Variants in MCM3AP observed in about 807,000 individuals in gnomAD.
The protein encoded by MCM3AP is minichromosome maintenance complex component 3 associated protein.
MCM3AP carries 126 observed loss-of-function variants against 184.1 expected under a neutral mutation model. The observed-to-expected ratio is 0.68, with a 90% confidence interval of 0.59 to 0.79. MCM3AP has a LOEUF of 0.79. Ranked by LOEUF, MCM3AP falls within the 30% of genes least tolerant of loss-of-function variation. MCM3AP has a pLI of 0.00. For synonymous variants in MCM3AP, 1,002 were observed against 979.3 expected (o/e 1.02, Z -0.43); for missense variants, 2,496 against 2,479.2 (o/e 1.01, Z -0.14).
chr21:46,258,295 A>G (rs557067225), intron 16 of MCM3AP, among the ~76,000 whole-genome samples: 38 of 152,348 alleles, frequency 2.5e-4, no homozygotes, highest in African/African-American at 9.1e-4. Context: ...TTATTATGAA[A>G]TGAATCATAC....
At chr21:46,268,496 C>A (rs115013213) in intron 9 of MCM3AP, among the ~76,000 whole-genome samples, 1 of 152,180 alleles carries the variant, frequency 6.6e-6, no homozygotes, top group African/African-American at 2.4e-5. Flanking sequence ...TGATTTAGTG[C>A]GGCAGATGGG....
At position 46,254,451 on chromosome 21, in the gene MCM3AP, A is replaced by G. The variant is rs1205322320; in HGVS notation, c.4077T>C (p.Phe1359=). ...CCGGCAACACCAGCACCAGCTTCCAAAACACATGCTCCTGCCTCCCAGGGA... is the reference window on the plus strand; with the variant it reads ...CCGGCAACACCAGCACCAGCTTCCAGAACACATGCTCCTGCCTCCCAGGGA... ...EHLPGRQEHV[F]WKLVLVLPDV... is the part of the protein sequence containing the mutation. The change falls in exon 19 of 28, where the codon TTT becomes TTC. Residue 1359 remains phenylalanine (F), a synonymous_variant. Coordinates refer to ENST00000291688, the MANE Select transcript of MCM3AP (RefSeq NM_003906.5). 1.2e-6 allele frequency: 2 copies of G among 1,614,028 alleles called. No individual in the cohort carries two copies. The highest frequency in any genetic ancestry group is 1.1e-5 in the South Asian group (1 of 91,086).
chr21:46,261,280 C>T lies in MCM3AP; in HGVS notation c.3467G>A (p.Arg1156Lys), dbSNP rs1390465950. 23 of 1,613,850 alleles carry T rather than the reference C, an allele frequency of 1.4e-5. No homozygotes were observed. Among genetic ancestry groups the T allele is most frequent in the Non-Finnish European group, 1.9e-5 (22 of 1,180,026 alleles). Residue 1156 changes from arginine (R) to lysine (K), a missense_variant and splice_region_variant, in exon 14 of 28, where the codon AGG (arginine) becomes AAG (lysine). Transcript: ENST00000291688. ...EQERQRAEEE[R>K]LKQERELVLS... The stretch of plus-strand genomic sequence containing the variant: ...GGCTGCATGGACAAGACACACTTAC[C>T]TTTCCTCTTCAGCCCGCTGCCTCTC...
intron 5 of MCM3AP, among the ~76,000 whole-genome samples, chr21:46,276,065 A>G (rs191244519): frequency 5.9e-5 from 9 of 152,284 alleles, no homozygotes; most frequent in Admixed American, 5.9e-4. Context: ...CAGCCTGACC[A>G]ACATGGAGAA....
In MCM3AP at chr21:46,277,638, C is replaced by T. The variant is rs776926615; in HGVS notation, c.1747G>A (p.Glu583Lys). Residue 583 changes from glutamate to lysine, a missense_variant, in exon 5 of 28, where the codon GAG (glutamate) becomes AAG (lysine). Around this residue, in one of 5 missense-constraint regions of MCM3AP, gnomAD observed 800 missense variants for 717.1 expected, o/e 1.12. Transcript: ENST00000291688. Reference sequence around the variant, plus strand: ...GAGAGCACACATGGCCCGAGGCCCTCGGAGCCCTCGGAGGCTGAGTCAAAA... The same window carrying T: ...GAGAGCACACATGGCCCGAGGCCCTTGGAGCCCTCGGAGGCTGAGTCAAAA... Reference protein sequence around the residue: ...DSFDSASEGSEGLGPCVLSLS... With the variant: ...DSFDSASEGSKGLGPCVLSLS... 5.9e-5 allele frequency: 95 copies of T among 1,611,614 alleles called. No individual in the cohort carries two copies. Among genetic ancestry groups the T allele is most frequent in the Non-Finnish European group, 7.7e-5 (91 of 1,178,912 alleles).
chr21:46,247,239 G>A (rs1477307133), intron 20 of MCM3AP: 5 of 219,726 alleles, frequency 2.3e-5, no homozygotes, highest in Non-Finnish European at 4.6e-5. Context: ...CAGGTTCGAG[G>A]AGCCACCATG....
chr21:46,260,655 C>T (rs911959810), intron 15 of MCM3AP, 138 bp downstream of exon 15: 1 of 628,986 alleles, frequency 1.6e-6, no homozygotes, highest in Non-Finnish European at 2.8e-6. Flanking sequence ...GCATCAAATA[C>T]ATTTGGTCAC....
chr21:46,276,323 CTG>C (rs1343030638), intron 5 of MCM3AP, among the ~76,000 whole-genome samples: 1 of 151,442 alleles, frequency 6.6e-6, no homozygotes, highest in African/African-American at 2.4e-5. Flanking sequence ...ATAAAAATCA[CTG>C]TATCAATGAT....
chr21:46,272,746 G>C lies in MCM3AP; in HGVS notation c.2280C>G (p.His760Gln), dbSNP rs747225625. The change falls in exon 8 of 28, where the codon CAC (histidine) becomes CAG (glutamine). Residue 760 changes from histidine to glutamine, a missense_variant. Transcript: ENST00000291688. ...KCTRFHIHCA[H>Q]FMCEEPMSSF... ...AGGACATGGGCTCCTCACACATGAA[G>C]TGGGCACAGTGGATGTGAAACCGGG... 15 of 1,613,980 alleles carry C rather than the reference G, an allele frequency of 9.3e-6. No homozygotes were observed. Among genetic ancestry groups the C allele is most frequent in the Non-Finnish European group, 1.3e-5 (15 of 1,179,994 alleles).
chr21:46,245,085 C>G lies in MCM3AP; in HGVS notation c.4760G>C (p.Arg1587Pro). 2 of 1,614,210 alleles carry G rather than the reference C, an allele frequency of 1.2e-6. No individual in the cohort carries two copies. The highest frequency in any genetic ancestry group is 1.7e-6 in the Non-Finnish European group (2 of 1,180,028). ...CCTCTCTCTTCTGTCATGGAAAAAGCGGCCACTAAACTCATGGCCAATCCC... is the reference window on the plus strand; with the variant it reads ...CCTCTCTCTTCTGTCATGGAAAAAGGGGCCACTAAACTCATGGCCAATCCC... ...EDGIGHEFSGRFFHDRRERRL... is the reference protein window; with the variant it reads ...EDGIGHEFSGPFFHDRRERRL... The change falls in exon 23 of 28, where the codon CGC becomes CCC. Residue 1587 changes from arginine (R) to proline (P), a missense_variant. Around this residue, in one of 5 missense-constraint regions of MCM3AP, gnomAD observed 1,323 missense variants for 1,273.4 expected, o/e 1.04. Coordinates refer to ENST00000291688, the MANE Select transcript of MCM3AP (RefSeq NM_003906.5).
At chr21:46,272,897 A>C in intron 7 of MCM3AP, 68 bp from the exon 8 acceptor site, 1 of 1,416,408 alleles carries the variant, frequency 7.1e-7, no homozygotes, top group Non-Finnish European at 9.5e-7. Flanking sequence ...GAGAAGGATC[A>C]TGCTACGACC....
rs754634748 is a variant in MCM3AP at position 46,270,477 on chromosome 21, T to G, written c.2552A>C (p.Asn851Thr). 1.9e-6 allele frequency: 3 copies of G among 1,613,926 alleles called. No individual in the cohort carries two copies. Among genetic ancestry groups the G allele is most frequent in the Non-Finnish European group, 2.5e-6 (3 of 1,179,898 alleles). Residue 851 changes from asparagine (N) to threonine (T), a missense_variant, in exon 9 of 28, where the codon AAT (asparagine) becomes ACT (threonine). Asn to Thr is a moderately conservative substitution (Grantham distance 65). Coordinates refer to ENST00000291688, the MANE Select transcript of MCM3AP (RefSeq NM_003906.5). ...VQAFAALNSNNFVRFFKLVQS... is the reference protein window; with the variant it reads ...VQAFAALNSNTFVRFFKLVQS... ...GACCAGTTTGAAAAATCTCACAAAA[T>G]TATTACTGTTCAATGCAGCAAAAGC...
intron 18 of MCM3AP, 118 bp downstream of exon 18, chr21:46,254,658 C>T: frequency 1.4e-6 from 2 of 1,421,266 alleles, no homozygotes; most frequent in Non-Finnish European, 2.0e-6. Context: ...AACTAGAAAC[C>T]AAGTCTGGAG....
At chr21:46,251,506 A>C (rs2080867892) in intron 20 of MCM3AP, 23 bp downstream of exon 20, 1 of 1,574,904 alleles carries the variant, frequency 6.3e-7, no homozygotes, top group Non-Finnish European at 8.7e-7. Context: ...CACAGAAGTA[A>C]ACACAAAGTA....
rs2080924223 is a variant in MCM3AP at position 46,254,830 on chromosome 21, C to A, written c.3947G>T (p.Arg1316Ile). 1 of 1,613,982 alleles carries A rather than the reference C, an allele frequency of 6.2e-7. No individual in the cohort carries two copies. The highest frequency in any genetic ancestry group is 1.1e-5 in the South Asian group (1 of 91,092). The change falls in exon 18 of 28, where the codon AGA becomes ATA. Residue 1316 changes from arginine (R) to isoleucine (I), a missense_variant. Arg to Ile is a moderately conservative substitution (Grantham distance 97). Transcript: ENST00000291688. ...CTTCATCTGGTGAGCTGTCTTGTTT[C>A]TGAGCCGCCTTAACCTGCAAAGGAA... The part of the protein sequence containing the change: ...GISCTRLRRL[R>I]NKTAHQMKVQ...
At chr21:46,257,999 G>A (rs17182997) in intron 16 of MCM3AP, among the ~76,000 whole-genome samples, 5 of 150,910 alleles carry the variant, frequency 3.3e-5, no homozygotes, top group East Asian at 3.9e-4. Flanking sequence ...GTACATTATC[G>A]CACTGACCTC....
intron 6 of MCM3AP, among the ~76,000 whole-genome samples, 179 bp from the exon 7 acceptor site, chr21:46,273,764 G>A (rs576043462): frequency 6.6e-6 from 1 of 152,336 alleles, no homozygotes; most frequent in South Asian, 2.1e-4. Context: ...AAGACAAATA[G>A]AGAAATTTGA....
rs937254741 is a variant in MCM3AP, at chr21:46,237,533, C to G, written c.5634-554G>C. ...GATCTCACCTCAGCCTCCCAAATAC[C>G]TGGGACTAGAGGCGCATGCCACCCA... On this transcript the variant is annotated intron_variant, in intron 26 of 27. Coordinates refer to ENST00000291688, the MANE Select transcript of MCM3AP (RefSeq NM_003906.5). 3.3e-5 allele frequency among the ~76,000 whole-genome samples: 2 copies of G among 60,850 alleles called. 1 individual carries two copies. The highest frequency in any genetic ancestry group is 1.5e-4 in the African/African-American group (2 of 13,512). 39.9% of individuals were successfully genotyped at this position (60,850 alleles called of 152,430 possible).
In MCM3AP at chr21:46,263,414, C is replaced by T. The variant is rs117335108; in HGVS notation, c.3335+703G>A. Among the ~76,000 whole-genome samples, 926 of 152,096 alleles carry T rather than the reference C, an allele frequency of 6.1e-3. 8 individuals carry two copies. Among genetic ancestry groups the T allele is most frequent in the Middle Eastern group, 0.017 (5 of 294 alleles). On this transcript the variant is annotated intron_variant, in intron 13 of 27. Transcript: ENST00000291688. The stretch of plus-strand genomic sequence containing the variant: ...TACGTTGAAAACTACAAAGCATTGT[C>T]GAAAGAAATTAAGAATGACCTAAAT...
Sources: gnomAD v4.1 joint callset for allele counts (sites outside exome capture counted in the v4.1 genomes callset) on GRCh38, gnomAD v4.1.1 for gene constraint, gnomAD v4.1.1 regional missense constraint, MANE v1.5 for transcripts, NCBI Gene and HGNC (gene_info 2026-07-23, HGNC 2026-07-21) for gene names.